PDIA5: variants seen among roughly 807,000 people sequenced by gnomAD.
PDIA5 encodes protein disulfide isomerase family A member 5, also known as protein disulfide-isomerase A5.
PDIA5 carries 58 observed loss-of-function variants against 77.6 expected under a neutral mutation model. The observed-to-expected ratio is 0.75, with a 90% CI of 0.61 to 0.93. The LOEUF (loss-of-function observed/expected upper bound fraction) is 0.93. Ranked by LOEUF, PDIA5 falls within the 40% of genes least tolerant of loss-of-function variation. The pLI is 0.00. For synonymous variants in PDIA5, 250 were observed against 252.1 expected, an observed-to-expected ratio of 0.99 and a Z score of 0.08; for missense variants, 630 against 647.7, an observed-to-expected ratio of 0.97 and a Z score of 0.30.
In PDIA5 at chr3:123,102,794, A is replaced by G. The variant is rs143955217; in HGVS notation, c.385A>G (p.Lys129Glu). Reference sequence around the variant, plus strand: ...TGAATATAACCGAGCTGTGACATTTAAGGTAAATTTACCTCCCTTGTTCTC... The same window carrying G: ...TGAATATAACCGAGCTGTGACATTTGAGGTAAATTTACCTCCCTTGTTCTC... ...HTEYNRAVTFKSIVAFLKDPK... is the reference protein window; with the variant it reads ...HTEYNRAVTFESIVAFLKDPK... The change falls in exon 5 of 17, where the codon AAG (lysine) becomes GAG (glutamate). Residue 129 changes from lysine to glutamate, a missense_variant and splice_region_variant. By Grantham distance (56) the Lys-to-Glu change is moderately conservative. Transcript: ENST00000316218. 112 of 1,605,540 alleles carry G rather than the reference A, an allele frequency of 7.0e-5. No homozygotes were observed. The highest frequency in any genetic ancestry group is 2.3e-4 in the Admixed American group (14 of 60,002).
intron 6 of PDIA5, 22 bp from the exon 7 acceptor site, chr3:123,110,922 G>A (rs760416740): frequency 3.7e-6 from 6 of 1,605,284 alleles, no homozygotes; most frequent in East Asian, 2.2e-5. Flanking sequence ...CGAGCTGCTG[G>A]TATTCTCTTT....
intron 11 of PDIA5, among the ~76,000 whole-genome samples, chr3:123,137,471 T>C (rs2107973094): frequency 6.6e-6 from 1 of 152,350 alleles, no homozygotes; most frequent in Middle Eastern, 3.4e-3. Flanking sequence ...TGCTCTAATT[T>C]TGTTTATGGT....
At chr3:123,091,657 T>A (rs1199692735) in intron 2 of PDIA5, among the ~76,000 whole-genome samples, 1 of 152,116 alleles carries the variant, frequency 6.6e-6, no homozygotes, top group African/African-American at 2.4e-5. Flanking sequence ...TTGTGATCAC[T>A]CCATCCTGTC....
intron 3 of PDIA5, among the ~76,000 whole-genome samples, chr3:123,095,985 GGT>G (rs1189674737): frequency 1.3e-5 from 2 of 152,110 alleles, no homozygotes; most frequent in African/African-American, 4.8e-5. Flanking sequence ...TGCCAGGCTT[GGT>G]GTGTGTGTTA....
At chr3:123,117,856 C>T (rs1168675064) in intron 8 of PDIA5, among the ~76,000 whole-genome samples, 5 of 152,072 alleles carry the variant, frequency 3.3e-5, no homozygotes, top group African/African-American at 9.7e-5. Flanking sequence ...GCACTTACCC[C>T]GAGTAGCAGA....
rs1302219925 is a variant in PDIA5 at position 123,124,165 on chromosome 3, C to T, written c.701+8C>T. On this transcript the variant is annotated splice_region_variant and intron_variant, in intron 9 of 16. Coordinates refer to ENST00000316218, the MANE Select transcript of PDIA5 (RefSeq NM_006810.4). ...CACCATCTGCTATTTTGAGTACGTC[C>T]CCCACTTTCCTTCTAAAGCTCACCT... 7 of 1,609,442 alleles carry T rather than the reference C, an allele frequency of 4.3e-6. No individual in the cohort carries two copies. The highest frequency in any genetic ancestry group is 6.0e-6 in the Non-Finnish European group (7 of 1,175,636).
intron 8 of PDIA5, among the ~76,000 whole-genome samples, chr3:123,122,984 C>T (rs1935154613): frequency 6.6e-6 from 1 of 152,190 alleles, no homozygotes; most frequent in Non-Finnish European, 1.5e-5. Flanking sequence ...AGAACAGATT[C>T]AAAGTCCTGG....
chr3:123,089,018 G>T (rs1266876248), intron 1 of PDIA5, 150 bp from the exon 2 acceptor site: 7 of 666,400 alleles, frequency 1.1e-5, no homozygotes, highest in South Asian at 2.0e-5. Context: ...GTCCCTAGAG[G>T]TGAAGAAGTA....
intron 15 of PDIA5, among the ~76,000 whole-genome samples, chr3:123,159,207 C>A (rs1306319546): frequency 6.6e-6 from 1 of 152,256 alleles, no homozygotes; most frequent in African/African-American, 2.4e-5. Context: ...CAGCTCCTGG[C>A]CCGGGCTGGG....
intron 1 of PDIA5, among the ~76,000 whole-genome samples, chr3:123,081,981 G>A (rs3948146): frequency 6.6e-6 from 1 of 152,208 alleles, no homozygotes; most frequent in Non-Finnish European, 1.5e-5. Context: ...TGCTATGTTA[G>A]CAGATTGGGA....
intron 1 of PDIA5, among the ~76,000 whole-genome samples, chr3:123,088,751 A>G (rs557429926): frequency 6.6e-6 from 1 of 152,320 alleles, no homozygotes; most frequent in South Asian, 2.1e-4. Context: ...ACTTTAAATC[A>G]TCTCTAGATT....
intron 1 of PDIA5, among the ~76,000 whole-genome samples, chr3:123,081,434 A>C (rs772951270): frequency 2.0e-5 from 3 of 152,218 alleles, no homozygotes; most frequent in Non-Finnish European, 2.9e-5. Flanking sequence ...CCTTGGATTC[A>C]GGGCCACATC....
At chr3:123,123,708 C>A (rs1935171403) in intron 8 of PDIA5, among the ~76,000 whole-genome samples, 2 of 152,248 alleles carry the variant, frequency 1.3e-5, no homozygotes, top group Non-Finnish European at 2.9e-5. Flanking sequence ...ATAGGCGTAA[C>A]ACATCCTTGG....
Position 123,150,356 on chromosome 3 carries a change from A to G in PDIA5, c.1265A>G (p.Tyr422Cys). The G allele has an allele frequency of 6.2e-7, 1 of 1,613,628 alleles. No homozygotes were observed. The highest frequency in any genetic ancestry group is 1.3e-5 in the African/African-American group (1 of 74,956). Residue 422 changes from tyrosine to cysteine, a missense_variant, in exon 14 of 17, where the codon TAC becomes TGC. Transcript: ENST00000316218. ...AAGAAACACACCTTGGTCATGTTCT[A>G]CGCCCCTTGTAAGTAGCTTGGGTGC... The part of the protein sequence containing the change: ...KKKKHTLVMF[Y>C]APWCPHCKKV...
intron 12 of PDIA5, among the ~76,000 whole-genome samples, chr3:123,145,807 C>T (rs1356217861): frequency 6.6e-6 from 1 of 152,220 alleles, no homozygotes; most frequent in African/African-American, 2.4e-5. Context: ...ATCCAGGTGA[C>T]CTCTGCCTGC....
rs550131326 is a variant in PDIA5 at position 123,130,537 on chromosome 3, C to T, written c.831C>T (p.Ser277=). The T allele has an allele frequency of 1.7e-5, 28 of 1,614,118 alleles. No homozygotes were observed. The highest frequency in any genetic ancestry group is 1.7e-4 in the Middle Eastern group (1 of 6,060). ...CTCCCTGGGCAGATGAGGGCGGCTC[C>T]GTTTATCACCTGACCGATGAAGACT... is the stretch of plus-strand genomic sequence containing the variant. ...PETPWADEGG[S]VYHLTDEDFD... is the part of the protein sequence containing the mutation. Residue 277 remains serine (S), a synonymous_variant, in exon 11 of 17, where the codon TCC becomes TCT. Transcript: ENST00000316218.
At chr3:123,143,403 AAG>A (rs1935687709) in intron 11 of PDIA5, among the ~76,000 whole-genome samples, 1 of 150,846 alleles carries the variant, frequency 6.6e-6, no homozygotes, top group African/African-American at 2.4e-5. Context: ...AAAAAAAAAA[AAG>A]AGAGGCACTG....
intron 1 of PDIA5, among the ~76,000 whole-genome samples, chr3:123,088,675 G>A (rs938644989): frequency 3.3e-5 from 5 of 152,142 alleles, no homozygotes; most frequent in African/African-American, 1.2e-4. Context: ...AAAACCCATG[G>A]ATGCTCAAGT....
chr3:123,154,513 C>T (rs573453122), intron 14 of PDIA5, among the ~76,000 whole-genome samples: 2 of 152,162 alleles, frequency 1.3e-5, no homozygotes, highest in South Asian at 2.1e-4. Flanking sequence ...GAGTAGTTGC[C>T]CCAAAATCCC....
Sources: gnomAD v4.1 joint callset for allele counts (sites outside exome capture counted in the v4.1 genomes callset) on GRCh38, gnomAD v4.1.1 for gene constraint, MANE v1.5 for transcripts, NCBI Gene and HGNC (gene_info 2026-07-23, HGNC 2026-07-21) for gene names.